Variants in NELL1 observed in about 807,000 individuals in gnomAD.
The protein encoded by NELL1 is neural EGFL like 1, also known as protein kinase C-binding protein NELL1.
A neutral mutation model predicts 107.4 loss-of-function variants in NELL1; 76 were observed. That is an observed-to-expected ratio of 0.71 (90% confidence interval 0.59 to 0.86). NELL1 has a LOEUF of 0.86. Ranked by LOEUF, NELL1 falls within the 40% of genes least tolerant of loss-of-function variation. NELL1 has a pLI of 0.00. For synonymous variants in NELL1, 353 were observed against 341.2 expected, an observed-to-expected ratio of 1.03 and a Z score of -0.38; for missense variants, 1,024 against 1,005.5, an observed-to-expected ratio of 1.02 and a Z score of -0.25.
chr11:21,012,405 G>A (rs1852467173), intron 12 of NELL1, among the ~76,000 whole-genome samples: 1 of 151,934 alleles, frequency 6.6e-6, no homozygotes, highest in Non-Finnish European at 1.5e-5. Context: ...TTGAAATTAG[G>A]GTCATCAGAA....
chr11:20,929,592 A>G (rs1198365021), intron 9 of NELL1, among the ~76,000 whole-genome samples: 1 of 152,170 alleles, frequency 6.6e-6, no homozygotes, highest in Non-Finnish European at 1.5e-5. Context: ...ATATTGAATT[A>G]TAGTTTGATC....
intron 4 of NELL1, among the ~76,000 whole-genome samples, chr11:20,867,261 T>C (rs921273344): frequency 1.3e-5 from 2 of 152,116 alleles, no homozygotes; most frequent in African/African-American, 4.8e-5. Flanking sequence ...ATGGTTTCCT[T>C]TTGCTTCAGT....
chr11:21,329,640 T>C (rs972818642), intron 14 of NELL1, among the ~76,000 whole-genome samples: 3 of 152,168 alleles, frequency 2.0e-5, no homozygotes, highest in African/African-American at 7.2e-5. Context: ...AAAGTATACA[T>C]ATAAGCCTTT....
chr11:20,712,790 G>T (rs1006215659), intron 2 of NELL1, among the ~76,000 whole-genome samples: 1 of 152,188 alleles, frequency 6.6e-6, no homozygotes, highest in South Asian at 2.1e-4. Flanking sequence ...CTCTAGGCTG[G>T]TGCTGGAGAA....
chr11:20,920,287 A>G (rs1397735825), intron 7 of NELL1, among the ~76,000 whole-genome samples: 1 of 152,086 alleles, frequency 6.6e-6, no homozygotes. Flanking sequence ...TGCAGCTAAG[A>G]CTGCTCCCTA....
At chr11:21,115,360 AC>A (rs1855209031) in intron 13 of NELL1, among the ~76,000 whole-genome samples, 1 of 151,496 alleles carries the variant, frequency 6.6e-6, no homozygotes, top group Non-Finnish European at 1.5e-5. Context: ...ACACACACAC[AC>A]ACACACACAC....
At chr11:20,819,642 GA>G (rs1489433644) in intron 3 of NELL1, among the ~76,000 whole-genome samples, 2 of 152,170 alleles carry the variant, frequency 1.3e-5, no homozygotes, top group Admixed American at 1.3e-4. Flanking sequence ...TCCAGTAAAT[GA>G]AAAATATAAC....
At chr11:21,356,270 G>C (rs900036941) in intron 14 of NELL1, among the ~76,000 whole-genome samples, 1 of 152,120 alleles carries the variant, frequency 6.6e-6, no homozygotes, top group Non-Finnish European at 1.5e-5. Flanking sequence ...CTGGTTCTGA[G>C]TAATCTCTGG....
chr11:21,177,000 G>A (rs1264710544), intron 13 of NELL1, among the ~76,000 whole-genome samples: 1 of 151,412 alleles, frequency 6.6e-6, no homozygotes, highest in Non-Finnish European at 1.5e-5. Flanking sequence ...GTGTATATTT[G>A]TGGATTACAA....
chr11:20,844,386 G>A (rs1362271036), intron 3 of NELL1, among the ~76,000 whole-genome samples: 2 of 152,152 alleles, frequency 1.3e-5, no homozygotes, highest in East Asian at 1.9e-4. Context: ...TTCTGGGAGC[G>A]AAGGCAGTTT....
intron 15 of NELL1, among the ~76,000 whole-genome samples, chr11:21,477,697 AAACT>A (rs1230063038): frequency 6.6e-6 from 1 of 152,062 alleles, no homozygotes; most frequent in African/African-American, 2.4e-5. Context: ...CTCACCACAC[AAACT>A]AAGTAAGGCA....
intron 13 of NELL1, among the ~76,000 whole-genome samples, chr11:21,174,283 C>A (rs970051026): frequency 2.6e-5 from 4 of 151,864 alleles, no homozygotes; most frequent in African/African-American, 7.3e-5. Flanking sequence ...ACCAAACTCT[C>A]CCTGCTTACT....
At chr11:20,738,612 A>G (rs11819976) in intron 2 of NELL1, among the ~76,000 whole-genome samples, 7,855 of 152,232 alleles carry the variant, frequency 0.052, 646 homozygotes, top group African/African-American at 0.18. Flanking sequence ...ATAATAGCCC[A>G]GGTTCTGGAC....
intron 17 of NELL1, among the ~76,000 whole-genome samples, chr11:21,569,133 C>A (rs1394364105): frequency 1.3e-5 from 2 of 151,604 alleles, no homozygotes; most frequent in Non-Finnish European, 2.9e-5. Context: ...TTTTCAGCTT[C>A]ATTAAAATTA....
chr11:20,854,185 T>C (rs1303720320), intron 4 of NELL1, among the ~76,000 whole-genome samples: 2 of 152,200 alleles, frequency 1.3e-5, no homozygotes. Flanking sequence ...AGTCTGGCTT[T>C]TTAGCTCAAA....
chr11:21,413,260 C>T (rs773980737), intron 15 of NELL1, among the ~76,000 whole-genome samples: 81 of 151,944 alleles, frequency 5.3e-4, no homozygotes, highest in Non-Finnish European at 1.3e-4. Context: ...AACCATAACC[C>T]AGGATGTCAA....
intron 14 of NELL1, among the ~76,000 whole-genome samples, chr11:21,361,788 C>T (rs1342088958): frequency 6.6e-6 from 1 of 152,044 alleles, no homozygotes; most frequent in East Asian, 1.9e-4. Flanking sequence ...TGAATGTTTC[C>T]ACTGAATTTT....
intron 14 of NELL1, among the ~76,000 whole-genome samples, chr11:21,261,437 C>A (rs1276628941): frequency 6.6e-6 from 1 of 151,548 alleles, no homozygotes; most frequent in Non-Finnish European, 1.5e-5. Context: ...TTTAGATGGA[C>A]CTAAAATACC....
intron 12 of NELL1, among the ~76,000 whole-genome samples, chr11:21,036,495 T>C (rs1845042290): frequency 6.6e-6 from 1 of 152,140 alleles, no homozygotes; most frequent in African/African-American, 2.4e-5. Context: ...AGGGCTACAG[T>C]AACCAAAACA....
Sources: allele counts gnomAD v4.1 joint callset (sites outside exome capture counted in the v4.1 genomes callset), GRCh38; gene constraint gnomAD v4.1.1; transcripts MANE v1.5; gene names NCBI Gene and HGNC (gene_info 2026-07-23, HGNC 2026-07-21).